The following DBF4 variants were observed in gnomAD, a reference collection of about 807,000 sequenced individuals.
The protein encoded by DBF4 is DBF4-CDC7 kinase regulatory subunit, also known as protein DBF4 homolog A.
In DBF4, 25 loss-of-function variants were observed where a neutral mutation model predicts 76.6. That is an observed-to-expected ratio of 0.33 (90% confidence interval 0.24 to 0.46). DBF4 has a LOEUF of 0.46. Ranked by LOEUF, DBF4 falls within the 20% of genes least tolerant of loss-of-function variation. The pLI is 1.00. For synonymous variants in DBF4, 213 were observed against 258.0 expected, an observed-to-expected ratio of 0.83 and a Z score of 1.67; for missense variants, 638 against 760.8, an observed-to-expected ratio of 0.84 and a Z score of 1.90.
intron 2 of DBF4, among the ~76,000 whole-genome samples, chr7:87,883,762 G>T (rs760823006): frequency 6.6e-6 from 1 of 152,168 alleles, no homozygotes. Flanking sequence ...ATCATTTATA[G>T]TGTGGGATCC....
chr7:87,901,951 GT>G (rs1839800466), intron 10 of DBF4, among the ~76,000 whole-genome samples: 1 of 152,156 alleles, frequency 6.6e-6, no homozygotes, highest in Admixed American at 6.5e-5. Flanking sequence ...ATATATTAGT[GT>G]TTTGTGTCAG....
intron 11 of DBF4, among the ~76,000 whole-genome samples, chr7:87,904,658 C>A (rs1382859645): frequency 2.6e-5 from 4 of 152,278 alleles, no homozygotes; most frequent in Admixed American, 2.6e-4. Context: ...AGAAGAATCA[C>A]TTGAAACCCA....
chr7:87,896,620 C>A, intron 7 of DBF4, 110 bp downstream of exon 7: 3 of 960,254 alleles, frequency 3.1e-6, no homozygotes, highest in Admixed American at 2.4e-5. Context: ...AGGCTTTCTT[C>A]GTCTTTATAG....
intron 2 of DBF4, among the ~76,000 whole-genome samples, chr7:87,880,748 G>T (rs1002551308): frequency 6.6e-6 from 1 of 151,780 alleles, no homozygotes; most frequent in Non-Finnish European, 1.5e-5. Context: ...ACCACTGAGA[G>T]CACAGCACCC....
intron 5 of DBF4, among the ~76,000 whole-genome samples, 173 bp from the exon 6 acceptor site, chr7:87,887,809 TC>T (rs371779199): frequency 4.6e-5 from 7 of 152,244 alleles, no homozygotes; most frequent in African/African-American, 1.7e-4. Flanking sequence ...GTAAGTACTG[TC>T]ACACTGGGGG....
chr7:87,888,204 G>A, intron 6 of DBF4, 145 bp downstream of exon 6: 1 of 1,263,264 alleles, frequency 7.9e-7, no homozygotes, highest in East Asian at 3.2e-5. Context: ...TAAATCGAGT[G>A]TCATTTAACT....
At chr7:87,880,426 T>C (rs958359956) in intron 2 of DBF4, among the ~76,000 whole-genome samples, 1 of 152,220 alleles carries the variant, frequency 6.6e-6, no homozygotes, top group South Asian at 2.1e-4. Flanking sequence ...CTGTGGATTT[T>C]CAATGGAATT....
At chr7:87,883,452 G>A (rs1405779074) in intron 2 of DBF4, among the ~76,000 whole-genome samples, 2 of 152,124 alleles carry the variant, frequency 1.3e-5, no homozygotes, top group Non-Finnish European at 2.9e-5. Flanking sequence ...AAAGTGTATA[G>A]GAGATCGGGT....
rs193054147 is a variant in DBF4 at position 87,907,961 on chromosome 7, A to G, written c.1823A>G (p.Asn608Ser). Residue 608 changes from asparagine to serine, a missense_variant, in exon 12 of 12, where the codon AAC (asparagine) becomes AGC (serine). By Grantham distance (46) the Asn-to-Ser change is conservative. Transcript: ENST00000265728. Reference protein sequence around the residue: ...KRTEFITQEENRICSSPVQSL... With the variant: ...KRTEFITQEESRICSSPVQSL... ...ACTGAATTTATTACACAAGAAGAAA[A>G]CAGAATTTGTAGTTCACCGGTACAG... 1.5e-5 allele frequency: 24 copies of G among 1,612,420 alleles called. No individual in the cohort carries two copies. The Admixed American group carries it at 2.0e-4, about 14-fold the overall frequency.
chr7:87,878,003 A>G, intron 1 of DBF4, 50 bp from the exon 2 acceptor site: 1 of 1,346,764 alleles, frequency 7.4e-7, no homozygotes, highest in Non-Finnish European at 1.0e-6. Flanking sequence ...ATATTTTAAA[A>G]ATAGTAAAAG....
At position 87,876,761 on chromosome 7, in the gene DBF4, G is replaced by C. The variant is rs1437411397; in HGVS notation, c.29G>C (p.Ser10Thr). 2 of 1,614,172 alleles carry C rather than the reference G, an allele frequency of 1.2e-6. No homozygotes were observed. The highest frequency in any genetic ancestry group is 1.7e-6 in the Non-Finnish European group (2 of 1,180,004). The change falls in exon 1 of 12, where the codon AGT becomes ACT. Residue 10 changes from serine to threonine, a missense_variant. Physicochemically the swap from Ser to Thr is moderately conservative, Grantham distance 58. Transcript: ENST00000265728. The stretch of plus-strand genomic sequence containing the variant: ...AACTCCGGAGCCATGAGGATCCACA[G>C]TAAAGGACATTTCCAGGGTAAGAAG... MNSGAMRIHSKGHFQGGIQV... is the reference protein window; with the variant it reads MNSGAMRIHTKGHFQGGIQV...
At chr7:87,889,438 C>G (rs1415854403) in intron 6 of DBF4, among the ~76,000 whole-genome samples, 1 of 152,034 alleles carries the variant, frequency 6.6e-6, no homozygotes, top group Non-Finnish European at 1.5e-5. Flanking sequence ...AGCCACCGTA[C>G]CTGGCTAGTT....
At chr7:87,885,348 T>C (rs56849945) in intron 3 of DBF4, among the ~76,000 whole-genome samples, 190 bp downstream of exon 3, 2,253 of 152,364 alleles carry the variant, frequency 0.015, 61 homozygotes, top group African/African-American at 0.051. Context: ...AGTTCTTGTG[T>C]AATCATACTC....
chr7:87,885,616 G>T (rs1366152847), intron 3 of DBF4, among the ~76,000 whole-genome samples: 1 of 152,188 alleles, frequency 6.6e-6, no homozygotes, highest in Non-Finnish European at 1.5e-5. Context: ...GTGACAAGTA[G>T]AAATTTTATG....
Position 87,876,659 on chromosome 7 carries a change from G to C in DBF4, c.-74G>C. The C allele has an allele frequency of 1.3e-6, 2 of 1,559,000 alleles. No homozygotes were observed. Among genetic ancestry groups the C allele is most frequent in the Middle Eastern group, 2.0e-4 (1 of 4,972 alleles). On this transcript the variant is annotated 5_prime_UTR_variant, in exon 1 of 12. Transcript: ENST00000265728. ...GGCGGCCGTCCTGTCAACAGGCCGG[G>C]GGAAGCCGTGCTTTCGCGGCTGCCC...
intron 6 of DBF4, among the ~76,000 whole-genome samples, chr7:87,889,277 A>AT (rs35766740): frequency 0.048 from 6,670 of 139,756 alleles, 166 homozygotes; most frequent in African/African-American, 0.078. Flanking sequence ...CTCTTGAACA[A>AT]TTTTTTTTTT....
chr7:87,876,926 A>G (rs2131033986), intron 1 of DBF4, 148 bp downstream of exon 1: 1 of 852,556 alleles, frequency 1.2e-6, no homozygotes, highest in Non-Finnish European at 1.9e-6. Flanking sequence ...GCCCCCGTTC[A>G]GTGTTTTGCC....
intron 8 of DBF4, among the ~76,000 whole-genome samples, chr7:87,898,291 A>AAGACACTAG (rs1347470202): frequency 6.6e-6 from 1 of 152,206 alleles, no homozygotes; most frequent in African/African-American, 2.4e-5. Context: ...AGGCCTAGAA[A>AAGACACTAG]AGACACTAGT....
Position 87,907,266 on chromosome 7 carries a change from A to G in DBF4, c.1128A>G (p.Glu376=). 6.2e-7 allele frequency: 1 copy of G among 1,613,852 alleles called. No individual in the cohort carries two copies. Among genetic ancestry groups the G allele is most frequent in the South Asian group, 1.1e-5 (1 of 90,962 alleles). The change falls in exon 12 of 12, where the codon GAA becomes GAG. Residue 376 remains glutamate, a synonymous_variant. Coordinates refer to ENST00000265728, the MANE Select transcript of DBF4 (RefSeq NM_006716.4). ...AGACTGAACAAAAGGAAAAAGTGGAATTGCAACATATTTCTCAGAAAGATT... is the reference window on the plus strand; with the variant it reads ...AGACTGAACAAAAGGAAAAAGTGGAGTTGCAACATATTTCTCAGAAAGATT... ...LKKTEQKEKV[E]LQHISQKDCQ...
Sources: allele counts gnomAD v4.1 joint callset (sites outside exome capture counted in the v4.1 genomes callset), GRCh38; gene constraint gnomAD v4.1.1; transcripts MANE v1.5; gene names NCBI Gene and HGNC (gene_info 2026-07-23, HGNC 2026-07-21).